Variants in PYGO1 observed in about 807,000 individuals in gnomAD.
PYGO1 encodes pygopus homolog 1.
A neutral mutation model predicts 29.5 loss-of-function variants in PYGO1; 6 were observed. That is an observed-to-expected ratio of 0.20 (90% CI 0.11 to 0.40). PYGO1 has a LOEUF of 0.40. PYGO1 is among the 10% of genes least tolerant of loss of function. The pLI is 1.00. For synonymous variants in PYGO1, 186 were observed against 180.5 expected (o/e 1.03, Z -0.24); for missense variants, 515 against 514.9 (o/e 1.00, Z 0.00).
intron 1 of PYGO1, among the ~76,000 whole-genome samples, chr15:55,558,294 G>T (rs968667005): frequency 4.3e-5 from 4 of 93,738 alleles, no homozygotes; most frequent in African/African-American, 1.6e-4. Flanking sequence ...ACTTACAAGG[G>T]ATGTGAAGGA....
chr15:55,569,691 T>C (rs892856897), intron 1 of PYGO1, among the ~76,000 whole-genome samples: 1 of 152,222 alleles, frequency 6.6e-6, no homozygotes, highest in Non-Finnish European at 1.5e-5. Flanking sequence ...TTTGAATTTA[T>C]TGAGACTTGC....
chr15:55,547,991 C>T (rs975052523), intron 2 of PYGO1, among the ~76,000 whole-genome samples: 33 of 152,112 alleles, frequency 2.2e-4, no homozygotes, highest in Non-Finnish European at 5.9e-5. Context: ...CTTTAAAAAC[C>T]TTTAAATTAG....
chr15:55,546,429 T>C lies in PYGO1; in HGVS notation c.854A>G (p.Glu285Gly). The change falls in exon 3 of 3, where the codon GAG becomes GGG. Residue 285 changes from glutamate (E) to glycine (G), a missense_variant. By Grantham distance (98) the Glu-to-Gly change is moderately conservative (BLOSUM62 -2). Transcript: ENST00000563719. ...TTCAGTGCTACTTGAACGGCTGTTC[T>C]CCTGATTTACTGCATTGTTTCGATT... ...NVNRNNAVNQ[E>G]NSRSSSTEAT... 6.2e-7 allele frequency: 1 copy of C among 1,614,178 alleles called. No individual in the cohort carries two copies. Among genetic ancestry groups the C allele is most frequent in the Non-Finnish European group, 8.5e-7 (1 of 1,180,018 alleles).
intron 1 of PYGO1, among the ~76,000 whole-genome samples, chr15:55,570,768 T>G (rs1343542326): frequency 6.6e-6 from 1 of 152,194 alleles, no homozygotes; most frequent in Admixed American, 6.5e-5. Flanking sequence ...AATTCTGGGC[T>G]TTGTCTTATG....
intron 2 of PYGO1, among the ~76,000 whole-genome samples, chr15:55,547,526 C>G (rs2058858012): frequency 6.6e-6 from 1 of 152,104 alleles, no homozygotes; most frequent in Admixed American, 6.6e-5. Context: ...ACCTAAAATA[C>G]CTCTCATACA....
At chr15:55,578,561 G>A (rs778064758) in intron 1 of PYGO1, among the ~76,000 whole-genome samples, 55 of 152,224 alleles carry the variant, frequency 3.6e-4, no homozygotes, top group Non-Finnish European at 5.4e-4. Flanking sequence ...TGAATATAAA[G>A]TGATATCTCA....
rs1213282520 is a variant in PYGO1, at chr15:55,546,512, T to C, written c.771A>G (p.Pro257=). The change falls in exon 3 of 3, where the codon CCA becomes CCG. Residue 257 remains proline (P), a synonymous_variant. Coordinates refer to ENST00000563719, the MANE Select transcript of PYGO1 (RefSeq NM_001367806.1). ...CTGTGTCATCCATATTCAAGTGAGGTGGATGAGCAGAGGAATTTTGATTAG... is the reference window on the plus strand; with the variant it reads ...CTGTGTCATCCATATTCAAGTGAGGCGGATGAGCAGAGGAATTTTGATTAG... ...KNTNQNSSAH[P]PHLNMDDTVN... is the part of the protein sequence containing the mutation. The C allele has an allele frequency of 6.2e-7, 1 of 1,614,130 alleles. No individual in the cohort carries two copies. Among genetic ancestry groups the C allele is most frequent in the East Asian group, 2.2e-5 (1 of 44,880 alleles).
rs960700082 is a variant in PYGO1 at position 55,544,389 on chromosome 15, G to A, written c.*1634C>T. 1 of 151,998 alleles carries A rather than the reference G, an allele frequency of 6.6e-6. No individual in the cohort carries two copies. Among genetic ancestry groups the A allele is most frequent in the East Asian group, 1.9e-4 (1 of 5,188 alleles). The allele number at this position is 151,998 out of a possible 1,614,324, so 9.4% of individuals were successfully genotyped here. On this transcript the variant is annotated 3_prime_UTR_variant, in exon 3 of 3. Coordinates refer to ENST00000563719, the MANE Select transcript of PYGO1 (RefSeq NM_001367806.1). ...GGGAATGCATTGTTTCTTAGAAAAAGCTCCAAATGATAGACAGTAGTCCAT... is the reference window on the plus strand; with the variant it reads ...GGGAATGCATTGTTTCTTAGAAAAAACTCCAAATGATAGACAGTAGTCCAT...
chr15:55,572,306 T>C (rs2058983395), intron 1 of PYGO1, among the ~76,000 whole-genome samples: 1 of 152,136 alleles, frequency 6.6e-6, no homozygotes. Context: ...GAAAGGATAG[T>C]CTAGTCCCTC....
chr15:55,577,288 C>T (rs547908838), intron 1 of PYGO1, among the ~76,000 whole-genome samples: 41 of 152,084 alleles, frequency 2.7e-4, no homozygotes, highest in Admixed American at 5.9e-4. Context: ...ATGACCTGGA[C>T]GCCTGCCTAC....
At chr15:55,557,483 A>T (rs547206942) in intron 1 of PYGO1, among the ~76,000 whole-genome samples, 15 of 152,304 alleles carry the variant, frequency 9.8e-5, no homozygotes, top group African/African-American at 3.1e-4. Flanking sequence ...ATCCTCCCCA[A>T]CTCATTTTAC....
At chr15:55,587,001 C>G (rs1445011765) in intron 1 of PYGO1, among the ~76,000 whole-genome samples, 1 of 152,232 alleles carries the variant, frequency 6.6e-6, no homozygotes, top group African/African-American at 2.4e-5. Flanking sequence ...AGAACAGTGT[C>G]TAGCACATAG....
intron 2 of PYGO1, among the ~76,000 whole-genome samples, chr15:55,548,707 TA>T (rs60796044): frequency 1.8e-5 from 1 of 55,448 alleles, no homozygotes; most frequent in Non-Finnish European, 3.0e-5. Context: ...AGAATCCACC[TA>T]AAAAAAAAAA....
intron 1 of PYGO1, among the ~76,000 whole-genome samples, chr15:55,576,752 C>A (rs542776025): frequency 0.2 from 847 of 4,232 alleles, 14 homozygotes; most frequent in African/African-American, 0.27. Flanking sequence ...CCAGCCTGGG[C>A]GACAGATCAA....
intron 1 of PYGO1, among the ~76,000 whole-genome samples, chr15:55,564,860 C>G (rs1427940119): frequency 6.6e-6 from 1 of 152,164 alleles, no homozygotes; most frequent in Non-Finnish European, 1.5e-5. Context: ...TCTTGAGGCT[C>G]TGAGGGAAAT....
intron 1 of PYGO1, among the ~76,000 whole-genome samples, chr15:55,568,334 G>GTGTGTC (rs1167870365): frequency 6.7e-6 from 1 of 149,430 alleles, no homozygotes; most frequent in African/African-American, 2.5e-5. Flanking sequence ...GTGTGTGTGT[G>GTGTGTC]TGTGTGTGTG....
intron 1 of PYGO1, among the ~76,000 whole-genome samples, chr15:55,577,669 C>T (rs1174051866): frequency 2.0e-5 from 3 of 151,868 alleles, no homozygotes; most frequent in Non-Finnish European, 4.4e-5. Context: ...CCATCATTAC[C>T]ATCTAATTCC....
rs1014204278 is a variant in PYGO1 at position 55,546,298 on chromosome 15, G to A, written c.985C>T (p.Pro329Ser). ...TEKSNKSSLH[P>S]NRHGHSSSDP... ...GAAGACGAATGGCCATGACGGTTTG[G>A]GTGAAGAGAGGATTTATTGCTTTTT... The change falls in exon 3 of 3, where the codon CCA becomes TCA. Residue 329 changes from proline to serine, a missense_variant. By Grantham distance (74) the Pro-to-Ser change is moderately conservative (BLOSUM62 -1). Transcript: ENST00000563719. 7 of 1,614,196 alleles carry A rather than the reference G, an allele frequency of 4.3e-6. No individual in the cohort carries two copies. The highest frequency in any genetic ancestry group is 1.7e-5 in the Admixed American group (1 of 60,020).
At chr15:55,569,676 A>AT (rs775828275) in intron 1 of PYGO1, among the ~76,000 whole-genome samples, 61 of 152,234 alleles carry the variant, frequency 4.0e-4, no homozygotes, top group Non-Finnish European at 7.6e-4. Context: ...TAGGATTTCA[A>AT]TTTTTTTGAA....
Sources: gnomAD v4.1 joint callset for allele counts (sites outside exome capture counted in the v4.1 genomes callset) on GRCh38, gnomAD v4.1.1 for gene constraint, MANE v1.5 for transcripts, NCBI Gene and HGNC (gene_info 2026-07-23, HGNC 2026-07-21) for gene names.